CYP39A1: variants seen among roughly 807,000 people sequenced by gnomAD.
The protein encoded by CYP39A1 is 24-hydroxycholesterol 7-alpha-hydroxylase.
Under a neutral mutation model 58.1 loss-of-function variants are expected in CYP39A1, and 49 were observed. The observed-to-expected ratio is 0.84, with a 90% confidence interval of 0.67 to 1.07. The LOEUF is 1.07. Ranked by LOEUF, CYP39A1 falls within the 50% of genes least tolerant of loss-of-function variation. CYP39A1 has a pLI of 0.00. For synonymous variants in CYP39A1, 209 were observed against 187.6 expected, an observed-to-expected ratio of 1.11 and a Z score of -0.93; for missense variants, 531 against 539.4, an observed-to-expected ratio of 0.98 and a Z score of 0.16.
At position 46,619,266 on chromosome 6, in the gene CYP39A1, A is replaced by G. The variant is rs191203001; in HGVS notation, c.931+6152T>C. On this transcript the variant is annotated intron_variant, in intron 7 of 11. Transcript: ENST00000275016. ...CTGCAAACAGAGGCTAGACCAAGAT[A>G]CTTATCTCTTAAAACTAGCCATATA... is the stretch of plus-strand genomic sequence containing the variant. 6.9e-4 allele frequency among the ~76,000 whole-genome samples: 105 copies of G among 152,236 alleles called. 1 individual carries two copies. The highest frequency in any genetic ancestry group is 2.3e-3 in the African/African-American group (95 of 41,552).
At chr6:46,621,323 A>G (rs546619296) in intron 7 of CYP39A1, among the ~76,000 whole-genome samples, 1 of 151,964 alleles carries the variant, frequency 6.6e-6, no homozygotes, top group South Asian at 2.1e-4. Context: ...AGATTAGAAC[A>G]AAATTAAATT....
intron 7 of CYP39A1, among the ~76,000 whole-genome samples, chr6:46,606,310 A>T (rs193218169): frequency 8.3e-4 from 127 of 152,318 alleles, no homozygotes; most frequent in Non-Finnish European, 9.8e-4. Context: ...TGTCAGTGTC[A>T]TGTGAGAAAA....
At chr6:46,627,318 C>T (rs894275707) in intron 6 of CYP39A1, among the ~76,000 whole-genome samples, 1 of 152,090 alleles carries the variant, frequency 6.6e-6, no homozygotes, top group Non-Finnish European at 1.5e-5. Flanking sequence ...GTTGTATGTG[C>T]CTAAATATAG....
At chr6:46,551,368 T>C (rs1223669524) in intron 11 of CYP39A1, among the ~76,000 whole-genome samples, 1 of 85,866 alleles carries the variant, frequency 1.2e-5, no homozygotes, top group Non-Finnish European at 2.5e-5. Flanking sequence ...AAAAGTAAAA[T>C]GAAAAAAAAA....
intron 7 of CYP39A1, among the ~76,000 whole-genome samples, chr6:46,607,693 G>A (rs964915990): frequency 2.0e-5 from 3 of 152,226 alleles, no homozygotes; most frequent in African/African-American, 7.2e-5. Flanking sequence ...GAACCAGAAG[G>A]TGGGGTTGCA....
intron 10 of CYP39A1, among the ~76,000 whole-genome samples, chr6:46,577,009 A>G (rs903170235): frequency 6.6e-6 from 1 of 152,174 alleles, no homozygotes; most frequent in African/African-American, 2.4e-5. Context: ...CAAAAGAAAA[A>G]ATCTTAGAGC....
At chr6:46,619,697 T>A (rs1774837800) in intron 7 of CYP39A1, among the ~76,000 whole-genome samples, 1 of 152,086 alleles carries the variant, frequency 6.6e-6, no homozygotes, top group South Asian at 2.1e-4. Context: ...TAAATATTCC[T>A]TTTTCTCTCC....
chr6:46,639,426 T>C, intron 3 of CYP39A1, 68 bp downstream of exon 3: 2 of 1,449,094 alleles, frequency 1.4e-6, no homozygotes, highest in Non-Finnish European at 1.9e-6. Flanking sequence ...TGAAGTCCAA[T>C]CTATAGGTTT....
At chr6:46,582,770 C>T (rs1294598824) in intron 10 of CYP39A1, among the ~76,000 whole-genome samples, 2 of 151,614 alleles carry the variant, frequency 1.3e-5, no homozygotes, top group African/African-American at 4.9e-5. Flanking sequence ...TTTGACTCTT[C>T]CCAGTTTTTA....
At chr6:46,635,542 GTGTTTGTT>G (rs368397169) in intron 5 of CYP39A1, among the ~76,000 whole-genome samples, 1 of 152,048 alleles carries the variant, frequency 6.6e-6, no homozygotes, top group South Asian at 2.1e-4. Context: ...TACCTCAGAG[GTGTTTGTT>G]TGTTTGTTTG....
intron 10 of CYP39A1, among the ~76,000 whole-genome samples, chr6:46,554,992 T>C (rs1770596389): frequency 6.6e-6 from 1 of 151,410 alleles, no homozygotes; most frequent in Admixed American, 6.6e-5. Context: ...ACCACTGGAG[T>C]AAACTTTCTA....
intron 7 of CYP39A1, among the ~76,000 whole-genome samples, chr6:46,622,517 G>A (rs2150568229): frequency 6.7e-6 from 1 of 149,726 alleles, no homozygotes; most frequent in Non-Finnish European, 1.5e-5. Context: ...GGAGGCTGTG[G>A]CAGGAGGATC....
At chr6:46,635,969 A>G (rs1438028421) in intron 5 of CYP39A1, among the ~76,000 whole-genome samples, 1 of 152,162 alleles carries the variant, frequency 6.6e-6, no homozygotes, top group Non-Finnish European at 1.5e-5. Context: ...ACAGGTTCCT[A>G]GTGCCTGGCT....
intron 3 of CYP39A1, among the ~76,000 whole-genome samples, chr6:46,638,813 G>A (rs565762050): frequency 1.3e-5 from 2 of 152,156 alleles, no homozygotes; most frequent in East Asian, 1.9e-4. Flanking sequence ...CTGCTGAGAT[G>A]GCAAAGTGAC....
At chr6:46,552,659 C>A (rs1198987194) in intron 11 of CYP39A1, among the ~76,000 whole-genome samples, 2 of 152,132 alleles carry the variant, frequency 1.3e-5, no homozygotes, top group East Asian at 3.9e-4. Flanking sequence ...ACCCTTTACC[C>A]AAAGTTTTCA....
chr6:46,646,917 G>A (rs747611680), intron 1 of CYP39A1, among the ~76,000 whole-genome samples: 4 of 151,816 alleles, frequency 2.6e-5, no homozygotes, highest in Non-Finnish European at 5.9e-5. Flanking sequence ...TTCAAACATC[G>A]GTCATTGGTG....
At chr6:46,624,555 AGC>A (rs1442915378) in intron 7 of CYP39A1, among the ~76,000 whole-genome samples, 10 of 152,266 alleles carry the variant, frequency 6.6e-5, no homozygotes, top group Admixed American at 2.6e-4. Context: ...CTCCATAAGA[AGC>A]AATCCAAAAA....
At chr6:46,574,360 T>C (rs558985380) in intron 10 of CYP39A1, among the ~76,000 whole-genome samples, 4 of 152,298 alleles carry the variant, frequency 2.6e-5, no homozygotes, top group South Asian at 4.1e-4. Context: ...GGACATCATG[T>C]GCTGATTGTC....
At chr6:46,582,379 A>T (rs988976328) in intron 10 of CYP39A1, among the ~76,000 whole-genome samples, 1 of 152,220 alleles carries the variant, frequency 6.6e-6, no homozygotes, top group Non-Finnish European at 1.5e-5. Flanking sequence ...TTAAAATGGC[A>T]TTATCTTTAA....
Sources: allele counts gnomAD v4.1 joint callset (sites outside exome capture counted in the v4.1 genomes callset), GRCh38; gene constraint gnomAD v4.1.1; transcripts MANE v1.5; gene names NCBI Gene and HGNC (gene_info 2026-07-23, HGNC 2026-07-21).